TRMT44: variants seen among roughly 807,000 people sequenced by gnomAD.
The protein encoded by TRMT44 is probable tRNA (uracil-O(2)-)-methyltransferase.
In TRMT44, 78 loss-of-function variants were observed where a neutral mutation model predicts 77.3. The ratio of observed to expected loss-of-function variants is 1.01; its 90% CI spans 0.84 to 1.22. The LOEUF (loss-of-function observed/expected upper bound fraction) is 1.22. TRMT44 is among the 50% of genes most tolerant of loss of function. TRMT44 has a pLI of 0.00. For synonymous variants in TRMT44, 391 were observed against 383.3 expected, an observed-to-expected ratio of 1.02 and a Z score of -0.23; for missense variants, 1,090 against 964.4, an observed-to-expected ratio of 1.13 and a Z score of -1.73.
chr4:8,480,628 A>G (rs866967782), downstream of TRMT44, among the ~76,000 whole-genome samples: 4 of 152,190 alleles, frequency 2.6e-5, no homozygotes, highest in Admixed American at 1.3e-4. Flanking sequence ...GCCTTTATCT[A>G]TTGGGAAATT....
At chr4:8,511,735 A>C in the TRMT44 span, 3 of 152,218 alleles carry the variant, frequency 2.0e-5, no homozygotes, top group Non-Finnish European at 4.4e-5. Context: ...AAAAAAAAAA[A>C]AAACATCCAG....
At chr4:8,477,771 G>T (rs1476717023), downstream of TRMT44, 3 of 152,594 alleles carry the variant, frequency 2.0e-5, no homozygotes, top group African/African-American at 7.2e-5. Context: ...ATGCCCCTCG[G>T]CCCCCCAGTC....
the TRMT44 span, among the ~76,000 whole-genome samples, chr4:8,502,543 G>A: frequency 2.0e-5 from 3 of 152,232 alleles, no homozygotes; most frequent in Non-Finnish European, 4.4e-5. Context: ...CTCAGCCGAG[G>A]CTCAGCTGGG....
At chr4:8,484,943 T>C (rs1421076905) in intron 2 of TRMT44, among the ~76,000 whole-genome samples, 1 of 152,132 alleles carries the variant, frequency 6.6e-6, no homozygotes, top group African/African-American at 2.4e-5. Context: ...GAGAAGAAAT[T>C]TGAGCTTTGG....
In TRMT44 at chr4:8,470,884, A is replaced by G. The variant is rs1726943527; in HGVS notation, c.1928-200A>G. Reference sequence around the variant, plus strand: ...GGGCTGCGTCTTGTCAGGCTGTGCCACCTTAGCTGGGTGGGGACGCCACGG... The same window carrying G: ...GGGCTGCGTCTTGTCAGGCTGTGCCGCCTTAGCTGGGTGGGGACGCCACGG... On this transcript the variant is annotated intron_variant, in intron 9 of 10. Transcript: ENST00000389737. 5.9e-6 allele frequency: 3 copies of G among 509,210 alleles called. No homozygotes were observed. The East Asian group carries it at 1.0e-4, about 17-fold the overall frequency. The allele number at this position is 509,210 out of a possible 1,614,324, so 31.5% of individuals were successfully genotyped here.
At chr4:8,513,136 C>T in the TRMT44 span, among the ~76,000 whole-genome samples, 2 of 152,190 alleles carry the variant, frequency 1.3e-5, no homozygotes, top group African/African-American at 4.8e-5. Flanking sequence ...TGGTCTCGAA[C>T]TCCTGACTTC....
In TRMT44 at chr4:8,465,457, A is replaced by C; in HGVS notation, c.1390A>C (p.Lys464Gln). The C allele has an allele frequency of 6.2e-7, 1 of 1,614,168 alleles. No homozygotes were observed. The highest frequency in any genetic ancestry group is 1.1e-5 in the South Asian group (1 of 91,076). ...TGGAAGATACTCCCGGAGGCAGAGT[A>C]AGAAGACTCAGTACCGGGAATACCT... The part of the protein sequence containing the change: ...FIGRYSRRQS[K>Q]KTQYREYLDF... The change falls in exon 8 of 11, where the codon AAG (lysine) becomes CAG (glutamine). Residue 464 changes from lysine (K) to glutamine (Q), a missense_variant. Coordinates refer to ENST00000389737, the MANE Select transcript of TRMT44 (RefSeq NM_152544.3).
chr4:8,461,048 C>A lies in TRMT44; in HGVS notation c.1204-2937C>A, dbSNP rs944061331. On this transcript the variant is annotated intron_variant, in intron 6 of 10. Transcript: ENST00000389737. This position sits in a 1 kb window ranked among gnomAD's most constrained non-coding sequence, Gnocchi z 4.6. ...TTGTTTTTTGTTGAAACAGGGTCTT[C>A]CTATGTTGCCCAGGCTGGTCTCAAA... is the stretch of plus-strand genomic sequence containing the variant. Among the ~76,000 whole-genome samples the A allele has an allele frequency of 6.6e-6, 1 of 151,798 alleles. No individual in the cohort carries two copies. Among genetic ancestry groups the A allele is most frequent in the African/African-American group, 2.4e-5 (1 of 41,298 alleles).
rs112931892 is a variant in TRMT44 at position 8,493,029 on chromosome 4, T to C, written n.3892-237T>C. 1.5e-3 allele frequency among the ~76,000 whole-genome samples: 222 copies of C among 152,320 alleles called. 1 individual carries two copies. The highest frequency in any genetic ancestry group is 5.1e-3 in the African/African-American group (211 of 41,580). ...TAAACTTCCTAAATCGACTGAGACC[T>C]GTCTCAGATATTTGGGGTTCACAAT... On this transcript the variant is annotated intron_variant and non_coding_transcript_variant, in intron 2 of 2. Coordinates refer to the TRMT44 transcript ENST00000511366.
At chr4:8,509,576 T>G in the TRMT44 span, 1 of 152,824 alleles carries the variant, frequency 6.5e-6, no homozygotes, top group Non-Finnish European at 1.5e-5. Flanking sequence ...AGGGGCCTGG[T>G]CAGGACCAAC....
chr4:8,463,260 T>C (rs1726287239), intron 6 of TRMT44, among the ~76,000 whole-genome samples: 1 of 152,226 alleles, frequency 6.6e-6, no homozygotes, highest in African/African-American at 2.4e-5. Context: ...CAGTTTTTAC[T>C]GACAGAATTG....
At chr4:8,456,431 A>C (rs2109121340) in intron 6 of TRMT44, among the ~76,000 whole-genome samples, 1 of 152,284 alleles carries the variant, frequency 6.6e-6, no homozygotes, top group Admixed American at 6.5e-5. Context: ...GAGAAAAGTT[A>C]CGGCATTAGA....
rs1365503235 is a variant in TRMT44, at chr4:8,452,265, C to T, written c.1023+237C>T. 3.9e-5 allele frequency among the ~76,000 whole-genome samples: 6 copies of T among 152,192 alleles called. No individual in the cohort carries two copies. The highest frequency in any genetic ancestry group is 1.3e-4 in the Admixed American group (2 of 15,286). ...AACTTGACCTGCAGGCGGAACTGTACGTCCACACTCAGCAGTCATCGTGGA... is the reference window on the plus strand; with the variant it reads ...AACTTGACCTGCAGGCGGAACTGTATGTCCACACTCAGCAGTCATCGTGGA... On this transcript the variant is annotated intron_variant, in intron 4 of 10. Coordinates refer to ENST00000389737, the MANE Select transcript of TRMT44 (RefSeq NM_152544.3). The surrounding 1 kb of genome is among the most constrained non-coding windows in gnomAD (Gnocchi z 5.7).
chr4:8,494,210 G>T (rs975569067), downstream of TRMT44, among the ~76,000 whole-genome samples: 53 of 151,954 alleles, frequency 3.5e-4, no homozygotes, highest in African/African-American at 1.2e-3. Flanking sequence ...TGGCTGCATA[G>T]GTTTTAAAAA....
chr4:8,454,485 A>C, intron 5 of TRMT44: 1 of 566,026 alleles, frequency 1.8e-6, no homozygotes, highest in African/African-American at 1.9e-5. Context: ...GCAGCAAGAA[A>C]ATCAGCTTGG....
intron 1 of TRMT44, among the ~76,000 whole-genome samples, chr4:8,443,746 T>C (rs1369260703): frequency 6.6e-6 from 1 of 152,112 alleles, no homozygotes; most frequent in Non-Finnish European, 1.5e-5. Flanking sequence ...TTAAGAGTAA[T>C]GTGACTGTTC....
At chr4:8,497,830 CAGTG>C (rs1364521226), downstream of TRMT44, among the ~76,000 whole-genome samples, 1 of 152,198 alleles carries the variant, frequency 6.6e-6, no homozygotes, top group African/African-American at 2.4e-5. Flanking sequence ...AGGTGAGAGG[CAGTG>C]AGGATTTTCC....
At chr4:8,465,655 G>A (rs1726490948) in intron 8 of TRMT44, 94 bp downstream of exon 8, 4 of 1,121,582 alleles carry the variant, frequency 3.6e-6, no homozygotes, top group African/African-American at 1.6e-5. Flanking sequence ...ATGCTGTAAC[G>A]TTCAAAATGT....
chr4:8,499,405 C>T, the TRMT44 span, among the ~76,000 whole-genome samples: 3 of 152,174 alleles, frequency 2.0e-5, no homozygotes, highest in African/African-American at 4.8e-5. Flanking sequence ...AGGAATTGTC[C>T]TCCTGCACCT....
Sources: gnomAD v4.1 joint callset for allele counts (sites outside exome capture counted in the v4.1 genomes callset) on GRCh38, gnomAD v4.1.1 for gene constraint, Gnocchi (gnomAD v3.1) non-coding constraint, MANE v1.5 for transcripts, NCBI Gene and HGNC (gene_info 2026-07-23, HGNC 2026-07-21) for gene names.